Variants in ARL5B observed in about 807,000 individuals in gnomAD.
ARL5B encodes ADP-ribosylation factor-like protein 5B.
Under a neutral mutation model 26.9 loss-of-function variants are expected in ARL5B, and 10 were observed. The ratio of observed to expected loss-of-function variants is 0.37; its 90% confidence interval spans 0.23 to 0.63. The LOEUF is 0.63. Among genes scored for constraint, ARL5B ranks in the 30% least tolerant of loss-of-function variants. The pLI, the probability that ARL5B is intolerant of heterozygous loss-of-function variation, is 0.62. For synonymous variants in ARL5B, 87 were observed against 70.4 expected (o/e 1.24, Z -1.18); for missense variants, 167 against 213.9 (o/e 0.78, Z 1.37).
intron 1 of ARL5B, among the ~76,000 whole-genome samples, chr10:18,666,338 C>T (rs573724549): frequency 6.6e-6 from 1 of 152,204 alleles, no homozygotes; most frequent in Non-Finnish European, 1.5e-5. Context: ...TGTTTCCTGC[C>T]TACCCATCTC....
At chr10:18,662,723 A>T in intron 1 of ARL5B, among the ~76,000 whole-genome samples, 1 of 149,596 alleles carries the variant, frequency 6.7e-6, no homozygotes, top group African/African-American at 2.5e-5. Context: ...TTTTTTAATG[A>T]GATGGAGTCT....
At position 18,678,685 on chromosome 10, in the gene ARL5B, C is replaced by G. The variant is rs2131654006; in HGVS notation, c.*3469C>G. ...CAACTTTATGAGGCAGACTTTTTGT[C>G]TACAGCTTTGGAACCAAAAAAACTT... On this transcript the variant is annotated 3_prime_UTR_variant, in exon 6 of 6. Transcript: ENST00000377275. The G allele has an allele frequency of 6.6e-6, 1 of 151,668 alleles. No homozygotes were observed. Among genetic ancestry groups the G allele is most frequent in the South Asian group, 2.1e-4 (1 of 4,814 alleles). The allele number at this position is 151,668 out of a possible 1,614,324, so 9.4% of individuals were successfully genotyped here. A position where few individuals can be genotyped will look rare whatever the true frequency, so the allele number is the denominator to read the frequency against.
At chr10:18,664,933 G>A (rs934068076) in intron 1 of ARL5B, among the ~76,000 whole-genome samples, 8 of 152,108 alleles carry the variant, frequency 5.3e-5, no homozygotes, top group Non-Finnish European at 1.2e-4. Flanking sequence ...GAGCCATCTG[G>A]TACTGTCCTT....
chr10:18,666,741 GT>G, intron 2 of ARL5B, 106 bp downstream of exon 2: 4 of 855,504 alleles, frequency 4.7e-6, no homozygotes, highest in South Asian at 2.9e-5. Flanking sequence ...TTAAATATAT[GT>G]TTTTTGTTTT....
At chr10:18,665,315 A>G (rs1332793574) in intron 1 of ARL5B, among the ~76,000 whole-genome samples, 1 of 152,192 alleles carries the variant, frequency 6.6e-6, no homozygotes, top group Non-Finnish European at 1.5e-5. Context: ...CCTGGGCAAC[A>G]AAGCAAGACC....
chr10:18,674,111 C>A lies in ARL5B; in HGVS notation c.467C>A (p.Ser156Tyr). The A allele has an allele frequency of 6.2e-7, 1 of 1,611,578 alleles. No individual in the cohort carries two copies. The highest frequency in any genetic ancestry group is 8.5e-7 in the Non-Finnish European group (1 of 1,178,812). ...AAGGATCATCCATGGCACATTCAAT[C>A]CTGCTGTGCTCTCACAGGAGAAGGG... ...SIKDHPWHIQ[S>Y]CCALTGEGLC... Residue 156 changes from serine to tyrosine, a missense_variant, in exon 5 of 6, where the codon TCC becomes TAC. Ser to Tyr is a moderately radical substitution (Grantham distance 144, BLOSUM62 -2). Transcript: ENST00000377275.
chr10:18,673,584 A>G (rs2059897617), intron 4 of ARL5B, among the ~76,000 whole-genome samples: 1 of 152,166 alleles, frequency 6.6e-6, no homozygotes, highest in African/African-American at 2.4e-5. Context: ...GCTGAAATGA[A>G]TATTAACCAA....
In ARL5B at chr10:18,675,895, T is replaced by A. The variant is rs2059908522; in HGVS notation, c.*679T>A. The A allele has an allele frequency of 6.6e-6, 1 of 152,228 alleles. No homozygotes were observed. The highest frequency in any genetic ancestry group is 6.5e-5 in the Admixed American group (1 of 15,278). 9.4% of individuals were successfully genotyped at this position (152,228 alleles called of 1,614,324 possible). The stretch of plus-strand genomic sequence containing the variant: ...AGTCCACTCTTCTGCCTGCAACATT[T>A]GTTCAAAAACTAACCAAGGTAAAAT... On this transcript the variant is annotated 3_prime_UTR_variant, in exon 6 of 6. Transcript: ENST00000377275.
At position 18,680,381 on chromosome 10, in the gene ARL5B, A is replaced by C. The variant is rs2059927409; in HGVS notation, c.*5165A>C. The C allele has an allele frequency of 6.6e-6, 1 of 152,132 alleles. No individual in the cohort carries two copies. Among genetic ancestry groups the C allele is most frequent in the African/African-American group, 2.4e-5 (1 of 41,456 alleles). 9.4% of individuals were successfully genotyped at this position (152,132 alleles called of 1,614,324 possible). A position where few individuals can be genotyped will look rare whatever the true frequency, so the allele number is the denominator to read the frequency against. On this transcript the variant is annotated 3_prime_UTR_variant, in exon 6 of 6. Transcript: ENST00000377275. ...CATTAAAGCACATAGGAAAGTGCTC[A>C]GTCAATATTTAATTAGTTTAATTAG...
intron 2 of ARL5B, 43 bp from the exon 3 acceptor site, chr10:18,668,487 C>G (rs1394971386): frequency 1.2e-6 from 2 of 1,603,652 alleles, no homozygotes; most frequent in South Asian, 2.2e-5. Flanking sequence ...GCTTCAGATT[C>G]TCAAGATTTA....
intron 2 of ARL5B, among the ~76,000 whole-genome samples, chr10:18,667,353 T>C (rs2059865855): frequency 6.6e-6 from 1 of 152,198 alleles, no homozygotes; most frequent in African/African-American, 2.4e-5. Context: ...GATTAACGCA[T>C]TTTTCAGCTA....
Position 18,675,091 on chromosome 10 carries a change from G to T in ARL5B, c.492-77G>T. 3.0e-6 allele frequency: 4 copies of T among 1,344,636 alleles called. No homozygotes were observed. In the South Asian group the frequency reaches 4.9e-5, roughly 16 times the overall value. The allele number at this position is 1,344,636 out of a possible 1,614,324, so 83.3% of individuals were successfully genotyped here. A position where few individuals can be genotyped will look rare whatever the true frequency, so the allele number is the denominator to read the frequency against. Reference sequence around the variant, plus strand: ...GATTGTGCTACCAGCCTTTGGTTAAGACCTAAAAATAATAAGTACGCTTTC... The same window carrying T: ...GATTGTGCTACCAGCCTTTGGTTAATACCTAAAAATAATAAGTACGCTTTC... On this transcript the variant is annotated intron_variant, in intron 5 of 5. Transcript: ENST00000377275.
chr10:18,671,730 A>G (rs756485626), intron 3 of ARL5B, among the ~76,000 whole-genome samples: 10 of 150,182 alleles, frequency 6.7e-5, no homozygotes, highest in Non-Finnish European at 1.2e-4. Context: ...GTGTAGTTGC[A>G]TGATTCTCAG....
In ARL5B at chr10:18,675,152, T is replaced by A. The variant is rs761701178; in HGVS notation, c.492-16T>A. ...TATAAGGTTTTTAATTAAAAATACT[T>A]CTATCTTTTGTTTAGGTTATGCCAA... On this transcript the variant is annotated splice_polypyrimidine_tract_variant and intron_variant, in intron 5 of 5. Coordinates refer to ENST00000377275, the MANE Select transcript of ARL5B (RefSeq NM_178815.5). The A allele has an allele frequency of 6.2e-7, 1 of 1,610,378 alleles. No homozygotes were observed. Among genetic ancestry groups the A allele is most frequent in the South Asian group, 1.1e-5 (1 of 90,836 alleles).
chr10:18,674,852 G>C (rs1409597677), intron 5 of ARL5B, among the ~76,000 whole-genome samples: 1 of 152,066 alleles, frequency 6.6e-6, no homozygotes, highest in Admixed American at 6.6e-5. Context: ...AGGTGAAGTT[G>C]CTATTGACTT....
At chr10:18,674,502 C>G (rs1056019015) in intron 5 of ARL5B, among the ~76,000 whole-genome samples, 3 of 152,176 alleles carry the variant, frequency 2.0e-5, no homozygotes, top group Admixed American at 2.0e-4. Flanking sequence ...GGACTTAAAC[C>G]TGAGCTCTCA....
At position 18,680,607 on chromosome 10, in the gene ARL5B, C is replaced by T. The variant is rs181400197; in HGVS notation, c.*5391C>T. 1 of 151,854 alleles carries T rather than the reference C, an allele frequency of 6.6e-6. No homozygotes were observed. The highest frequency in any genetic ancestry group is 1.5e-5 in the Non-Finnish European group (1 of 67,924). 9.4% of individuals were successfully genotyped at this position (151,854 alleles called of 1,614,324 possible). ...TCAGGAAATTTAGGGACTCTGAAGC[C>T]CCTATTTTATTCTCTTGGAGTAAAC... On this transcript the variant is annotated 3_prime_UTR_variant, in exon 6 of 6. Transcript: ENST00000377275.
intron 1 of ARL5B, among the ~76,000 whole-genome samples, chr10:18,665,536 T>A (rs1367307670): frequency 6.6e-6 from 1 of 152,140 alleles, no homozygotes; most frequent in Non-Finnish European, 1.5e-5. Flanking sequence ...GTCCCTCTTT[T>A]TTTGGCTGAT....
intron 3 of ARL5B, among the ~76,000 whole-genome samples, chr10:18,670,232 AGAAG>A (rs1287896986): frequency 2.6e-5 from 4 of 152,204 alleles, no homozygotes; most frequent in Non-Finnish European, 5.9e-5. Flanking sequence ...TTGGGTATGC[AGAAG>A]CTGTAAGCAA....
Sources: allele counts gnomAD v4.1 joint callset (sites outside exome capture counted in the v4.1 genomes callset), GRCh38; gene constraint gnomAD v4.1.1; transcripts MANE v1.5; gene names NCBI Gene and HGNC (gene_info 2026-07-23, HGNC 2026-07-21).